Variants in NRK observed in about 807,000 individuals in gnomAD.
The protein encoded by NRK is nik-related protein kinase.
In NRK, 67 loss-of-function variants were observed where a neutral mutation model predicts 125.2. The observed-to-expected ratio is 0.54, with a 90% CI of 0.44 to 0.66. The LOEUF is 0.66. NRK is among the 30% of genes least tolerant of loss of function. NRK has a pLI of 0.00. For missense variants in NRK, 1,224 were observed against 1,192.9 expected, an observed-to-expected ratio of 1.03 and a Z score of -0.38; for synonymous variants, 458 against 429.0, an observed-to-expected ratio of 1.07 and a Z score of -0.84.
chrX:105,876,418 G>C (rs2039816795), intron 2 of NRK, among the ~76,000 whole-genome samples: 1 of 110,534 alleles, frequency 9.0e-6, no homozygotes, highest in Non-Finnish European at 1.9e-5. Context: ...AATTAAAAAT[G>C]TAAAGGTCAT....
chrX:105,824,820 A>G (rs912718261), intron 1 of NRK, among the ~76,000 whole-genome samples: 1 of 111,096 alleles, frequency 9.0e-6, no homozygotes, highest in African/African-American at 3.3e-5. Context: ...TTTTTAATGT[A>G]AGGGGAGTAG....
intron 4 of NRK, among the ~76,000 whole-genome samples, chrX:105,885,498 T>C (rs2147713539): frequency 8.9e-6 from 1 of 112,875 alleles, no homozygotes; most frequent in Admixed American, 9.4e-5. Flanking sequence ...CATTTTAAGA[T>C]ATTTTTCTCA....
chrX:105,934,002 C>T (rs2040628674), intron 19 of NRK, among the ~76,000 whole-genome samples: 1 of 111,706 alleles, frequency 9.0e-6, no homozygotes, highest in African/African-American at 3.3e-5. Context: ...AAAAATTCCA[C>T]AAATGTTAGG....
At position 105,862,709 on chromosome X, in the gene NRK, G is replaced by T. The variant is rs191826086; in HGVS notation, c.124-17490G>T. ...TTGGTTTTGAAATGGGTGTGTTTGT[G>T]ACTTTAACTTTCCAAAGTCAATATT... On this transcript the variant is annotated intron_variant, in intron 2 of 28. Transcript: ENST00000243300. Among the ~76,000 whole-genome samples, 3 of 111,848 alleles carry T rather than the reference G, an allele frequency of 2.7e-5. No homozygotes were observed. The East Asian group carries it at 8.5e-4, about 32-fold the overall frequency.
intron 27 of NRK, among the ~76,000 whole-genome samples, chrX:105,951,695 C>T (rs1429684001): frequency 8.9e-6 from 1 of 112,111 alleles, no homozygotes; most frequent in Non-Finnish European, 1.9e-5. Context: ...ACAATTGCAT[C>T]AGGTATTACT....
At chrX:105,832,303 T>G (rs752773381) in intron 2 of NRK, among the ~76,000 whole-genome samples, 2 of 111,494 alleles carry the variant, frequency 1.8e-5, no homozygotes, top group African/African-American at 6.5e-5. Context: ...AGGATGATGT[T>G]AATACATTCT....
intron 1 of NRK, among the ~76,000 whole-genome samples, chrX:105,826,128 T>C (rs944987184): frequency 1.1e-5 from 1 of 93,618 alleles, no homozygotes; most frequent in Admixed American, 1.3e-4. Flanking sequence ...TATATATATA[T>C]GGTAAGATAT....
chrX:105,901,966 T>C (rs774362926), intron 9 of NRK, among the ~76,000 whole-genome samples: 47 of 110,807 alleles, frequency 4.2e-4, no homozygotes, highest in African/African-American at 1.5e-3. Flanking sequence ...CATATTAGTA[T>C]TGATGCATGG....
At chrX:105,924,000 CA>C (rs1426704100) in intron 18 of NRK, among the ~76,000 whole-genome samples, 1 of 99,872 alleles carries the variant, frequency 1.0e-5, no homozygotes, top group African/African-American at 3.6e-5. Context: ...TTTTTCCAAC[CA>C]AAAAAGTCTA....
At position 105,958,036 on chromosome X, in the gene NRK, T is replaced by A. The variant is rs2040999783; in HGVS notation, c.*2436T>A. The A allele has an allele frequency of 8.9e-6, 1 of 112,462 alleles. No individual in the cohort carries two copies. Among genetic ancestry groups the A allele is most frequent in the Non-Finnish European group, 1.9e-5 (1 of 53,330 alleles). 9.3% of individuals were successfully genotyped at this position (112,462 alleles called of 1,213,427 possible). Reference sequence around the variant, plus strand: ...GACAATTTCCCTAGCCCTTGTGATTTGAAGCATGAAAGTTCTGGCAGGTTA... The same window carrying A: ...GACAATTTCCCTAGCCCTTGTGATTAGAAGCATGAAAGTTCTGGCAGGTTA... On this transcript the variant is annotated 3_prime_UTR_variant, in exon 29 of 29. Coordinates refer to ENST00000243300, the MANE Select transcript of NRK (RefSeq NM_198465.4).
chrX:105,908,179 T>G lies in NRK; in HGVS notation c.1022-61T>G, dbSNP rs773537502. 6 of 638,996 alleles carry G rather than the reference T, an allele frequency of 9.4e-6. No homozygotes were observed. The Admixed American group carries it at 2.1e-4, about 22-fold the overall frequency. The allele number at this position is 638,996 out of a possible 1,213,427, so 52.7% of individuals were successfully genotyped here. On this transcript the variant is annotated intron_variant, in intron 11 of 28. Transcript: ENST00000243300. The stretch of plus-strand genomic sequence containing the variant: ...AAGCAGAGGGAACAAGGTGATTAAG[T>G]GGATAACATGCTTATCTGCTGACTG...
rs142398155 is a variant in NRK at position 105,823,105 on chromosome X, A to G, written c.57+203A>G. On this transcript the variant is annotated intron_variant, in intron 1 of 28. Coordinates refer to ENST00000243300, the MANE Select transcript of NRK (RefSeq NM_198465.4). ...CCGCACCAAACTCCAACGAAAGGCA[A>G]AGGCACGGGGCGGTGGGAAGGAGAG... Among the ~76,000 whole-genome samples, 669 of 112,964 alleles carry G rather than the reference A, an allele frequency of 5.9e-3. 8 individuals carry two copies. Among genetic ancestry groups the G allele is most frequent in the African/African-American group, 0.021 (641 of 31,201 alleles).
In NRK at chrX:105,935,190, G is replaced by T. The variant is rs2040645952; in HGVS notation, c.3520G>T (p.Val1174Leu). The T allele has an allele frequency of 8.4e-7, 1 of 1,196,481 alleles. No homozygotes were observed. Among genetic ancestry groups the T allele is most frequent in the Non-Finnish European group, 1.1e-6 (1 of 882,324 alleles). ...SAILYAGFVE[V>L]PEESPKQPSE... is the part of the protein sequence containing the mutation. The stretch of plus-strand genomic sequence containing the variant: ...TGCAGTATACGCTGGATTCGTAGAA[G>T]TACCTGAGGAATCACCTAAGCAACC... The change falls in exon 21 of 29, where the codon GTA becomes TTA. Residue 1174 changes from valine to leucine, a missense_variant. Val to Leu is a conservative substitution (Grantham distance 32). Transcript: ENST00000243300.
At chrX:105,843,549 G>A (rs1337336090) in intron 2 of NRK, among the ~76,000 whole-genome samples, 1 of 112,134 alleles carries the variant, frequency 8.9e-6, no homozygotes, top group African/African-American at 3.2e-5. Context: ...GTGGCACTGT[G>A]TAGAGATAAA....
At chrX:105,936,326 A>G (rs891698582) in intron 21 of NRK, among the ~76,000 whole-genome samples, 1 of 112,426 alleles carries the variant, frequency 8.9e-6, no homozygotes, top group Non-Finnish European at 1.9e-5. Flanking sequence ...GATAGCATGA[A>G]TATTTCAGTC....
intron 2 of NRK, among the ~76,000 whole-genome samples, chrX:105,841,333 C>A (rs1043388003): frequency 9.0e-6 from 1 of 111,523 alleles, no homozygotes; most frequent in Non-Finnish European, 1.9e-5. Context: ...GATTTTTATC[C>A]TGCAGTTTTA....
chrX:105,859,399 T>C (rs2039573043), intron 2 of NRK, among the ~76,000 whole-genome samples: 1 of 111,733 alleles, frequency 8.9e-6, no homozygotes, highest in South Asian at 3.7e-4. Context: ...CTTGGTTGTT[T>C]TCATCCTGCA....
chrX:105,906,871 C>A (rs1041824724), intron 11 of NRK, among the ~76,000 whole-genome samples: 2 of 106,508 alleles, frequency 1.9e-5, no homozygotes, highest in Admixed American at 2.0e-4. Context: ...ACCTTGAAAG[C>A]ATCCAATAAA....
chrX:105,831,240 A>T, intron 2 of NRK, 121 bp downstream of exon 2: 1 of 477,671 alleles, frequency 2.1e-6, no homozygotes, highest in Non-Finnish European at 3.6e-6. Flanking sequence ...GAGAAATCAA[A>T]TTAGATAGCC....
Sources: gnomAD v4.1 joint callset for allele counts (sites outside exome capture counted in the v4.1 genomes callset) on GRCh38, gnomAD v4.1.1 for gene constraint, MANE v1.5 for transcripts, NCBI Gene and HGNC (gene_info 2026-07-23, HGNC 2026-07-21) for gene names.